The following ZEB1 variants were observed in gnomAD, a reference collection of about 807,000 sequenced individuals.
The protein encoded by ZEB1 is zinc finger E-box binding homeobox 1, also known as zinc finger E-box-binding homeobox 1.
In ZEB1, 21 loss-of-function variants were observed where a neutral mutation model predicts 84.9. The observed-to-expected ratio is 0.25, with a 90% confidence interval of 0.18 to 0.36. The LOEUF (loss-of-function observed/expected upper bound fraction) is 0.36. ZEB1 is among the 10% of genes least tolerant of loss of function. The pLI is 1.00. For missense variants in ZEB1, 1,104 were observed against 1,330.2 expected (o/e 0.83, Z 2.65); for synonymous variants, 420 against 471.1 (o/e 0.89, Z 1.41).
intron 2 of ZEB1, among the ~76,000 whole-genome samples, 178 bp from the exon 3 acceptor site, chr10:31,495,598 T>C (rs961187251): frequency 1.3e-5 from 2 of 152,090 alleles, no homozygotes; most frequent in African/African-American, 4.8e-5. Flanking sequence ...GTTTTTTTAA[T>C]CTTTTATTGA....
intron 1 of ZEB1, among the ~76,000 whole-genome samples, chr10:31,322,419 A>G (rs1331770154): frequency 6.6e-6 from 1 of 152,250 alleles, no homozygotes; most frequent in East Asian, 1.9e-4. Flanking sequence ...ATATGTAAAT[A>G]ATGTTTTATT....
At chr10:31,436,783 C>T (rs902921321) in intron 1 of ZEB1, among the ~76,000 whole-genome samples, 11 of 152,106 alleles carry the variant, frequency 7.2e-5, no homozygotes, top group African/African-American at 9.6e-5. Context: ...CTTTAAAGTA[C>T]GTTTAAAATA....
intron 1 of ZEB1, among the ~76,000 whole-genome samples, chr10:31,340,904 A>G (rs567053572): frequency 6.6e-6 from 1 of 152,290 alleles, no homozygotes; most frequent in Admixed American, 6.5e-5. Flanking sequence ...AAAGGAGAAC[A>G]GGAGCAAAGG....
intron 2 of ZEB1, among the ~76,000 whole-genome samples, chr10:31,468,528 G>A (rs1376543534): frequency 6.6e-6 from 1 of 152,200 alleles, no homozygotes; most frequent in East Asian, 1.9e-4. Context: ...TCTAAGGAAT[G>A]AGGTAAGTTT....
At chr10:31,321,298 C>A in intron 1 of ZEB1, 2 of 1,391,014 alleles carry the variant, frequency 1.4e-6, no homozygotes, top group Non-Finnish European at 1.9e-6. Context: ...ATATTCGAGC[C>A]ATCATTAAAA....
intron 1 of ZEB1, among the ~76,000 whole-genome samples, chr10:31,437,584 A>G (rs1183646514): frequency 6.6e-6 from 1 of 152,178 alleles, no homozygotes; most frequent in African/African-American, 2.4e-5. Flanking sequence ...GGCTCAGGGA[A>G]TTAGTGTCCC....
At position 31,520,648 on chromosome 10, in the gene ZEB1, C is replaced by T. The variant is rs148867206; in HGVS notation, c.1316C>T (p.Ser439Phe). 7.4e-6 allele frequency: 12 copies of T among 1,613,932 alleles called. 1 individual carries two copies. The East Asian group carries it at 2.5e-4, about 33-fold the overall frequency. Reference sequence around the variant, plus strand: ...GAGAATAATCAAGCCAATCTTGCATCCAAAGAACAAGAAACAATCAATGCT... The same window carrying T: ...GAGAATAATCAAGCCAATCTTGCATTCAAAGAACAAGAAACAATCAATGCT... ...VLENNQANLASKEQETINASP... is the reference protein window; with the variant it reads ...VLENNQANLAFKEQETINASP... Residue 439 changes from serine (S) to phenylalanine (F), a missense_variant, in exon 7 of 9, where the codon TCC (serine) becomes TTC (phenylalanine). By Grantham distance (155) the Ser-to-Phe change is radical. Transcript: ENST00000424869. This position sits in a 1 kb window ranked among gnomAD's most constrained non-coding sequence, Gnocchi z 5.1.
At chr10:31,465,163 A>G (rs2062247643) in intron 2 of ZEB1, among the ~76,000 whole-genome samples, 1 of 152,184 alleles carries the variant, frequency 6.6e-6, no homozygotes, top group Non-Finnish European at 1.5e-5. Context: ...TACTATAATG[A>G]TGTTGTGTAA....
At chr10:31,481,818 A>G (rs528006646) in intron 2 of ZEB1, among the ~76,000 whole-genome samples, 4 of 152,198 alleles carry the variant, frequency 2.6e-5, no homozygotes, top group East Asian at 1.9e-4. Flanking sequence ...ATATCCATCC[A>G]TCTGTATTGA....
At chr10:31,391,336 C>T (rs910466286) in intron 1 of ZEB1, among the ~76,000 whole-genome samples, 1 of 151,254 alleles carries the variant, frequency 6.6e-6, no homozygotes, top group Non-Finnish European at 1.5e-5. Context: ...TGCCCCTCCC[C>T]CAAAACAGTC....
chr10:31,429,600 A>G (rs1449070292), intron 1 of ZEB1, among the ~76,000 whole-genome samples: 2 of 151,826 alleles, frequency 1.3e-5, no homozygotes, highest in African/African-American at 4.8e-5. Context: ...TACCTGTGTG[A>G]TGAAATAATC....
At chr10:31,501,381 C>G (rs1251313604) in intron 3 of ZEB1, among the ~76,000 whole-genome samples, 1 of 152,144 alleles carries the variant, frequency 6.6e-6, no homozygotes, top group Non-Finnish European at 1.5e-5. Context: ...AGAAAAGTTG[C>G]CACTGCCTTA....
intron 2 of ZEB1, among the ~76,000 whole-genome samples, chr10:31,468,714 C>A (rs2062761195): frequency 6.6e-6 from 1 of 152,110 alleles, no homozygotes; most frequent in Admixed American, 6.5e-5. Flanking sequence ...CACGTAGAAG[C>A]AAAGCCAAAG....
At chr10:31,474,275 C>G (rs1396960120) in intron 2 of ZEB1, among the ~76,000 whole-genome samples, 1 of 151,434 alleles carries the variant, frequency 6.6e-6, no homozygotes, top group Non-Finnish European at 1.5e-5. Flanking sequence ...GAACAGGCAA[C>G]CTACAAAATG....
chr10:31,448,455 A>C (rs1457106066), intron 1 of ZEB1, among the ~76,000 whole-genome samples: 1 of 147,530 alleles, frequency 6.8e-6, no homozygotes, highest in Admixed American at 6.7e-5. Flanking sequence ...GTTGCTGGTG[A>C]GGAACTGCGT....
At chr10:31,498,894 A>C (rs2067688596) in intron 3 of ZEB1, among the ~76,000 whole-genome samples, 2 of 152,042 alleles carry the variant, frequency 1.3e-5, no homozygotes, top group Admixed American at 6.6e-5. Context: ...AATTAATTGT[A>C]ATAGCTTAAT....
At chr10:31,477,652 G>C (rs2064419813) in intron 2 of ZEB1, among the ~76,000 whole-genome samples, 1 of 151,778 alleles carries the variant, frequency 6.6e-6, no homozygotes, top group Admixed American at 6.6e-5. Flanking sequence ...GTGATACCAT[G>C]ATAAAGATGG....
chr10:31,489,570 GT>G (rs2066221014), intron 2 of ZEB1, among the ~76,000 whole-genome samples: 1 of 150,956 alleles, frequency 6.6e-6, no homozygotes. Context: ...TTTCTGCCTT[GT>G]TTTGGATCAT....
chr10:31,464,214 T>C (rs891867329), intron 2 of ZEB1, among the ~76,000 whole-genome samples: 1 of 151,446 alleles, frequency 6.6e-6, no homozygotes, highest in Non-Finnish European at 1.5e-5. Context: ...AGAAAAAATA[T>C]GAAAAACAGG....
Sources: allele counts gnomAD v4.1 joint callset (sites outside exome capture counted in the v4.1 genomes callset), GRCh38; gene constraint gnomAD v4.1.1; non-coding constraint Gnocchi (gnomAD v3.1); transcripts MANE v1.5; gene names NCBI Gene and HGNC (gene_info 2026-07-23, HGNC 2026-07-21).